The following FERMT2 variants were observed in gnomAD, a reference collection of about 807,000 sequenced individuals.
FERMT2 encodes fermitin family homolog 2.
Under a neutral mutation model 82.7 loss-of-function variants are expected in FERMT2, and 15 were observed. That is an observed-to-expected ratio of 0.18 (90% CI 0.12 to 0.28). The LOEUF (loss-of-function observed/expected upper bound fraction) is 0.28. Among genes scored for constraint, FERMT2 ranks in the 10% least tolerant of loss-of-function variants. The probability of loss-of-function intolerance (pLI) is 1.00; values close to 1 mark genes in which losing one functional copy is unlikely to be tolerated. For missense variants in FERMT2, 645 were observed against 809.4 expected (o/e 0.80, Z 2.46); for synonymous variants, 274 against 271.5 (o/e 1.01, Z -0.09).
intron 2 of FERMT2, among the ~76,000 whole-genome samples, chr14:52,923,819 G>A (rs1338402393): frequency 6.6e-6 from 1 of 152,114 alleles, no homozygotes; most frequent in Non-Finnish European, 1.5e-5. Context: ...AATAAAAGCA[G>A]AAATAGGAGA....
chr14:52,857,349 T>C lies in FERMT2; in HGVS notation c.*1028A>G, dbSNP rs1169745598. On this transcript the variant is annotated 3_prime_UTR_variant, in exon 15 of 15. Coordinates refer to ENST00000341590, the MANE Select transcript of FERMT2 (RefSeq NM_006832.3). Reference sequence around the variant, plus strand: ...TGAACCATGGATTATTGAACAATACTGGTAATCCACCTCTCCCTCGCACCC... The same window carrying C: ...TGAACCATGGATTATTGAACAATACCGGTAATCCACCTCTCCCTCGCACCC... 1 of 152,654 alleles carries C rather than the reference T, an allele frequency of 6.6e-6. No homozygotes were observed. Among genetic ancestry groups the C allele is most frequent in the Non-Finnish European group, 1.5e-5 (1 of 68,056 alleles). 9.5% of individuals were successfully genotyped at this position (152,654 alleles called of 1,614,324 possible). A position where few individuals can be genotyped will look rare whatever the true frequency, so the allele number is the denominator to read the frequency against.
chr14:52,892,461 T>TTGTTTTTTG (rs779450528), intron 4 of FERMT2, among the ~76,000 whole-genome samples: 2 of 133,890 alleles, frequency 1.5e-5, no homozygotes, highest in Middle Eastern at 4.3e-3. Context: ...TTTTTGTTTT[T>TTGTTTTTTG]TTTTTTTTTT....
chr14:52,908,176 C>T (rs1888122642), intron 3 of FERMT2, among the ~76,000 whole-genome samples: 1 of 152,210 alleles, frequency 6.6e-6, no homozygotes, highest in Non-Finnish European at 1.5e-5. Flanking sequence ...ATACCCCAAA[C>T]TGAAAAATGT....
chr14:52,943,989 C>T (rs1236957343), intron 2 of FERMT2, among the ~76,000 whole-genome samples: 2 of 152,100 alleles, frequency 1.3e-5, no homozygotes, highest in African/African-American at 2.4e-5. Context: ...CAGTTTTTTA[C>T]TTTAAAAAAC....
At chr14:52,888,481 T>G (rs990071695) in intron 4 of FERMT2, among the ~76,000 whole-genome samples, 3 of 152,226 alleles carry the variant, frequency 2.0e-5, no homozygotes, top group African/African-American at 7.2e-5. Context: ...CAAAATTTAG[T>G]AAGTTCTGGA....
intron 2 of FERMT2, among the ~76,000 whole-genome samples, chr14:52,925,558 C>CAAAAAA (rs761894753): frequency 1.8e-5 from 1 of 55,690 alleles, no homozygotes; most frequent in Non-Finnish European, 3.9e-5. Context: ...GACTCTGTCT[C>CAAAAAA]AAAAAAAAAA....
intron 4 of FERMT2, among the ~76,000 whole-genome samples, chr14:52,884,151 G>C (rs963739159): frequency 6.6e-6 from 1 of 152,190 alleles, no homozygotes; most frequent in Middle Eastern, 3.4e-3. Context: ...TAATCACTTC[G>C]TTGTTCTTAT....
At chr14:52,926,764 T>A (rs1405097758) in intron 2 of FERMT2, among the ~76,000 whole-genome samples, 1 of 152,122 alleles carries the variant, frequency 6.6e-6, no homozygotes, top group Admixed American at 6.5e-5. Context: ...TTGTTTTCCT[T>A]CTCTGGGGAA....
intron 10 of FERMT2, among the ~76,000 whole-genome samples, chr14:52,868,662 T>C (rs894153412): frequency 3.3e-5 from 5 of 152,204 alleles, no homozygotes; most frequent in African/African-American, 1.2e-4. Flanking sequence ...AAGAAGATAC[T>C]ATAGGCCCAG....
intron 3 of FERMT2, among the ~76,000 whole-genome samples, chr14:52,905,124 G>T (rs2139592884): frequency 6.6e-6 from 1 of 151,456 alleles, no homozygotes; most frequent in South Asian, 2.1e-4. Context: ...GGGAGGCAGA[G>T]GTTTCAGTGA....
Position 52,859,655 on chromosome 14 carries a change from A to G in FERMT2, c.1787T>C (p.Met596Thr). ...IGIAYNRLIR[M>T]DASTGDAIKT... ...AATTGCATCTCCAGTGCTGGCATCCATCCGAATCAGTCTGTTGTATGCAAT... is the reference window on the plus strand; with the variant it reads ...AATTGCATCTCCAGTGCTGGCATCCGTCCGAATCAGTCTGTTGTATGCAAT... The change falls in exon 14 of 15, where the codon ATG (methionine) becomes ACG (threonine). Residue 596 changes from methionine (M) to threonine (T), a missense_variant. Transcript: ENST00000341590. 6.2e-7 allele frequency: 1 copy of G among 1,612,958 alleles called. No individual in the cohort carries two copies. Among genetic ancestry groups the G allele is most frequent in the Non-Finnish European group, 8.5e-7 (1 of 1,179,392 alleles).
At chr14:52,901,602 C>T (rs1887656299) in intron 3 of FERMT2, among the ~76,000 whole-genome samples, 2 of 152,114 alleles carry the variant, frequency 1.3e-5, no homozygotes, top group Admixed American at 1.3e-4. Flanking sequence ...GACAGAAGAC[C>T]TTGACTTGCT....
intron 7 of FERMT2, among the ~76,000 whole-genome samples, chr14:52,876,867 G>A (rs1339432166): frequency 6.6e-6 from 1 of 152,072 alleles, no homozygotes; most frequent in Non-Finnish European, 1.5e-5. Context: ...TACAACCTTA[G>A]GGTCAGTCTC....
At chr14:52,946,135 A>G (rs1031086336) in intron 2 of FERMT2, among the ~76,000 whole-genome samples, 4 of 152,034 alleles carry the variant, frequency 2.6e-5, no homozygotes, top group Non-Finnish European at 2.9e-5. Context: ...TTGGCCTCCC[A>G]AAGTGCTGGG....
At chr14:52,909,694 A>G (rs1030173122) in intron 3 of FERMT2, among the ~76,000 whole-genome samples, 3 of 152,184 alleles carry the variant, frequency 2.0e-5, no homozygotes, top group Admixed American at 1.3e-4. Flanking sequence ...AGGCTGTGGC[A>G]GGAGAACTGC....
Position 52,881,445 on chromosome 14 carries a change from A to G in FERMT2, c.551T>C (p.Leu184Pro). 6.2e-7 allele frequency: 1 copy of G among 1,613,050 alleles called. No individual in the cohort carries two copies. The highest frequency in any genetic ancestry group is 8.5e-7 in the Non-Finnish European group (1 of 1,179,064). Residue 184 changes from leucine (L) to proline (P), a missense_variant, in exon 5 of 15, where the codon CTG becomes CCG. Leu to Pro is a moderately conservative substitution (Grantham distance 98, BLOSUM62 -3). Transcript: ENST00000341590. ...AGTGGGGGTCATTGTTTTACTATAC[A>G]GTCCTGGGCTTGAATATATACTTCC... ...GSGSIYSSPG[L>P]YSKTMTPTYD...
At chr14:52,879,313 A>C (rs2140112426) in intron 6 of FERMT2, among the ~76,000 whole-genome samples, 1 of 152,354 alleles carries the variant, frequency 6.6e-6, no homozygotes, top group East Asian at 1.9e-4. Context: ...CTGCAGATTG[A>C]GTATCCCTTA....
At chr14:52,899,422 G>A (rs1887490005) in intron 3 of FERMT2, among the ~76,000 whole-genome samples, 1 of 152,092 alleles carries the variant, frequency 6.6e-6, no homozygotes, top group Admixed American at 6.6e-5. Flanking sequence ...AGCTGGGATT[G>A]CGGGCGCCCG....
chr14:52,925,605 T>C (rs1595003282), intron 2 of FERMT2, among the ~76,000 whole-genome samples: 1 of 149,718 alleles, frequency 6.7e-6, no homozygotes, highest in East Asian at 2.0e-4. Context: ...ATTGTGTATA[T>C]AGGTGTGTGT....
Sources: allele counts gnomAD v4.1 joint callset (sites outside exome capture counted in the v4.1 genomes callset), GRCh38; gene constraint gnomAD v4.1.1; transcripts MANE v1.5; gene names NCBI Gene and HGNC (gene_info 2026-07-23, HGNC 2026-07-21).